Variants in KCNQ3 observed in about 807,000 individuals in gnomAD.
The protein encoded by KCNQ3 is potassium voltage-gated channel subfamily Q member 3.
KCNQ3 carries 30 observed loss-of-function variants against 92.5 expected under a neutral mutation model. The observed-to-expected ratio is 0.32, with a 90% CI of 0.24 to 0.44. The LOEUF (loss-of-function observed/expected upper bound fraction) is 0.44, where lower values mean the gene tolerates loss of function less well. Ranked by LOEUF, KCNQ3 falls within the 20% of genes least tolerant of loss-of-function variation. The pLI, the probability that KCNQ3 is intolerant of heterozygous loss-of-function variation, is 1.00. For missense variants in KCNQ3, 913 were observed against 1,140.3 expected (o/e 0.80, Z 2.87); for synonymous variants, 450 against 468.8 (o/e 0.96, Z 0.52).
intron 9 of KCNQ3, among the ~76,000 whole-genome samples, chr8:132,161,242 TCTTTC>T (rs1825976590): frequency 6.6e-6 from 1 of 152,172 alleles, no homozygotes; most frequent in African/African-American, 2.4e-5. Context: ...AGAATATAAT[TCTTTC>T]ATCAGCCTGA....
Position 132,129,688 on chromosome 8 carries a change from C to T in KCNQ3, c.2193G>A (p.Gln731=), listed in dbSNP as rs1824796261. ...PRGGPSSGKV[Q]ATPPSSATTY... ...TTGTTGCTGAGGAAGGAGGAGTTGC[C>T]TGAACCTTTCCAGAACTGGGTCCCC... The change falls in exon 15 of 15, where the codon CAG becomes CAA. Residue 731 remains glutamine (Q), a synonymous_variant. Coordinates refer to ENST00000388996, the MANE Select transcript of KCNQ3 (RefSeq NM_004519.4). The surrounding 1 kb of genome is among the most constrained non-coding windows in gnomAD (Gnocchi z 5.9). 1.2e-6 allele frequency: 2 copies of T among 1,614,150 alleles called. No homozygotes were observed. The highest frequency in any genetic ancestry group is 1.7e-6 in the Non-Finnish European group (2 of 1,180,030).
At chr8:132,334,051 T>C (rs1404047526) in intron 1 of KCNQ3, among the ~76,000 whole-genome samples, 2 of 152,008 alleles carry the variant, frequency 1.3e-5, no homozygotes, top group Non-Finnish European at 2.9e-5. Context: ...CTACATAATA[T>C]TCCATCCAGG....
rs73708598 is a variant in KCNQ3 at position 132,242,705 on chromosome 8, C to T, written c.387-56524G>A. On this transcript the variant is annotated intron_variant, in intron 1 of 14. Coordinates refer to ENST00000388996, the MANE Select transcript of KCNQ3 (RefSeq NM_004519.4). ...GACAATGCCAGGCACATAGTAGGTA[C>T]CAAATGAATATTTATCGAATGAATG... is the stretch of plus-strand genomic sequence containing the variant. Among the ~76,000 whole-genome samples, 1,354 of 152,266 alleles carry T rather than the reference C, an allele frequency of 8.9e-3. 18 individuals are homozygous for T. The highest frequency in any genetic ancestry group is 0.031 in the African/African-American group (1,302 of 41,542).
At chr8:132,177,009 G>C (rs975872789) in intron 4 of KCNQ3, among the ~76,000 whole-genome samples, 3 of 152,208 alleles carry the variant, frequency 2.0e-5, no homozygotes, top group African/African-American at 7.2e-5. Context: ...GGGAATTTGA[G>C]GACGGAAACG....
chr8:132,340,147 T>A (rs2130683178), intron 1 of KCNQ3, among the ~76,000 whole-genome samples: 1 of 152,308 alleles, frequency 6.6e-6, no homozygotes, highest in Non-Finnish European at 1.5e-5. Flanking sequence ...ATAGGAATGC[T>A]TTTACACTGT....
intron 1 of KCNQ3, among the ~76,000 whole-genome samples, chr8:132,285,209 C>G (rs1816646486): frequency 6.6e-6 from 1 of 152,070 alleles, no homozygotes; most frequent in African/African-American, 2.4e-5. Flanking sequence ...TGGAAAAAAG[C>G]CTGTGTTGCA....
chr8:132,456,509 T>C (rs1002193159), intron 1 of KCNQ3, among the ~76,000 whole-genome samples: 3 of 152,056 alleles, frequency 2.0e-5, no homozygotes, highest in African/African-American at 7.2e-5. Flanking sequence ...GGTAATTTAT[T>C]TTCCCCCACT....
intron 1 of KCNQ3, among the ~76,000 whole-genome samples, chr8:132,223,156 GA>G (rs1171249502): frequency 6.6e-6 from 1 of 152,146 alleles, no homozygotes; most frequent in Admixed American, 6.5e-5. Context: ...CTCATGAAAG[GA>G]AGGAAGGAGG....
intron 1 of KCNQ3, among the ~76,000 whole-genome samples, chr8:132,433,429 C>G (rs1247502539): frequency 6.6e-6 from 1 of 152,224 alleles, no homozygotes; most frequent in African/African-American, 2.4e-5. Flanking sequence ...GTGTTCATCT[C>G]TGACCGCAGA....
rs752301724 is a variant in KCNQ3, at chr8:132,163,430, A to G, written c.1262+38T>C. Reference sequence around the variant, plus strand: ...GGAGCAGGATGCTCTGTCTTGACACAGAGATGTGAAGAAGGGAATTCATAA... The same window carrying G: ...GGAGCAGGATGCTCTGTCTTGACACGGAGATGTGAAGAAGGGAATTCATAA... On this transcript the variant is annotated intron_variant, in intron 9 of 14. Coordinates refer to ENST00000388996, the MANE Select transcript of KCNQ3 (RefSeq NM_004519.4). 1.9e-6 allele frequency: 3 copies of G among 1,573,382 alleles called. No homozygotes were observed. The Admixed American group carries it at 5.0e-5, about 26-fold the overall frequency.
chr8:132,186,857 T>G lies in KCNQ3; in HGVS notation c.387-676A>C, dbSNP rs1826971680. ...GTTCATGACCAGGCTCAGGCAGGAG[T>G]GAACTACAAACAATTTTTTAAGATT... On this transcript the variant is annotated intron_variant, in intron 1 of 14. Transcript: ENST00000388996. 2.0e-5 allele frequency among the ~76,000 whole-genome samples: 3 copies of G among 149,758 alleles called. 1 individual carries two copies. Among genetic ancestry groups the G allele is most frequent in the Non-Finnish European group, 1.5e-5 (1 of 67,748 alleles).
At chr8:132,286,206 C>T (rs1315913117) in intron 1 of KCNQ3, among the ~76,000 whole-genome samples, 3 of 152,178 alleles carry the variant, frequency 2.0e-5, no homozygotes, top group Middle Eastern at 3.2e-3. Flanking sequence ...GCCTGCAATG[C>T]CTGCCTAAGA....
intron 1 of KCNQ3, among the ~76,000 whole-genome samples, chr8:132,389,286 G>A (rs746885166): frequency 9.9e-5 from 15 of 152,114 alleles, no homozygotes; most frequent in African/African-American, 1.7e-4. Flanking sequence ...GTGAAACCCC[G>A]TCTCTACCAA....
At chr8:132,300,509 C>CA (rs1252888972) in intron 1 of KCNQ3, among the ~76,000 whole-genome samples, 3 of 152,114 alleles carry the variant, frequency 2.0e-5, no homozygotes, top group Admixed American at 6.5e-5. Context: ...AGAGGTACCC[C>CA]AAAAACCTTT....
intron 1 of KCNQ3, among the ~76,000 whole-genome samples, chr8:132,375,180 C>T (rs1166669645): frequency 1.3e-5 from 2 of 152,076 alleles, no homozygotes; most frequent in Non-Finnish European, 2.9e-5. Context: ...GGATCATATT[C>T]ACCAACATTC....
chr8:132,372,584 C>T (rs1215012514), intron 1 of KCNQ3, among the ~76,000 whole-genome samples: 2 of 151,762 alleles, frequency 1.3e-5, no homozygotes, highest in African/African-American at 4.8e-5. Flanking sequence ...GGTGAAACCC[C>T]ATCTCTACTA....
At chr8:132,217,465 C>T (rs1259610060) in intron 1 of KCNQ3, among the ~76,000 whole-genome samples, 1 of 152,094 alleles carries the variant, frequency 6.6e-6, no homozygotes, top group Non-Finnish European at 1.5e-5. Flanking sequence ...AATCCCAGCA[C>T]TTTGGGAGGC....
chr8:132,266,400 T>C (rs2130485560), intron 1 of KCNQ3, among the ~76,000 whole-genome samples: 1 of 152,312 alleles, frequency 6.6e-6, no homozygotes, highest in African/African-American at 2.4e-5. Flanking sequence ...ATGTCACAAG[T>C]TACTCTGTAA....
intron 1 of KCNQ3, among the ~76,000 whole-genome samples, chr8:132,388,872 C>A (rs1484703018): frequency 1.3e-5 from 2 of 152,152 alleles, no homozygotes; most frequent in African/African-American, 2.4e-5. Flanking sequence ...AATCATCATG[C>A]AGTGGTTCTG....
Sources: gnomAD v4.1 joint callset for allele counts (sites outside exome capture counted in the v4.1 genomes callset) on GRCh38, gnomAD v4.1.1 for gene constraint, Gnocchi (gnomAD v3.1) non-coding constraint, MANE v1.5 for transcripts, NCBI Gene and HGNC (gene_info 2026-07-23, HGNC 2026-07-21) for gene names.